Variants in ZNF423 observed in about 807,000 individuals in gnomAD.
ZNF423 encodes the protein zinc finger protein 423, also known as Ebf-associated zinc finger protein.
Under a neutral mutation model 95.8 loss-of-function variants are expected in ZNF423, and 12 were observed. The ratio of observed to expected loss-of-function variants is 0.13; its 90% CI spans 0.08 to 0.20. ZNF423 has a LOEUF of 0.20. ZNF423 is among the 10% of genes least tolerant of loss of function. The pLI is 1.00. For synonymous variants in ZNF423, 749 were observed against 711.9 expected (o/e 1.05, Z -0.83); for missense variants, 1,316 against 1,737.1 (o/e 0.76, Z 4.31).
At chr16:49,504,006 G>T (rs891938914) in intron 7 of ZNF423, among the ~76,000 whole-genome samples, 13 of 152,216 alleles carry the variant, frequency 8.5e-5, no homozygotes, top group African/African-American at 3.1e-4. Flanking sequence ...CAGGTGGAAT[G>T]AATTATTATA....
At chr16:49,577,045 A>G (rs945727749) in intron 5 of ZNF423, among the ~76,000 whole-genome samples, 37 of 152,312 alleles carry the variant, frequency 2.4e-4, no homozygotes, top group African/African-American at 8.9e-4. Flanking sequence ...TGGATGTGAC[A>G]ACATTAAAGA....
At chr16:49,791,098 G>A (rs2034405871) in intron 1 of ZNF423, among the ~76,000 whole-genome samples, 1 of 152,222 alleles carries the variant, frequency 6.6e-6, no homozygotes. Flanking sequence ...GCACATGCAA[G>A]AGGGAACATC....
At chr16:49,823,381 C>A (rs1400419972) in intron 1 of ZNF423, among the ~76,000 whole-genome samples, 1 of 152,192 alleles carries the variant, frequency 6.6e-6, no homozygotes, top group Admixed American at 6.5e-5. Context: ...TTAATCTTCA[C>A]AGCTGTGCAG....
chr16:49,517,796 T>C (rs1311072695), intron 7 of ZNF423: 2 of 359,194 alleles, frequency 5.6e-6, no homozygotes, highest in African/African-American at 4.3e-5. Flanking sequence ...GACTCGTTGT[T>C]GTTCCTGCTG....
At chr16:49,560,641 C>T (rs1003014905) in intron 5 of ZNF423, among the ~76,000 whole-genome samples, 2 of 152,188 alleles carry the variant, frequency 1.3e-5, no homozygotes, top group African/African-American at 2.4e-5. Flanking sequence ...CTTGAGGCCT[C>T]GTCCAAGCCA....
At chr16:49,749,479 A>G (rs1211947836) in intron 2 of ZNF423, among the ~76,000 whole-genome samples, 1 of 152,262 alleles carries the variant, frequency 6.6e-6, no homozygotes, top group Non-Finnish European at 1.5e-5. Flanking sequence ...AGCCATACAG[A>G]AAAGTATAAA....
chr16:49,791,401 C>T lies in ZNF423; in HGVS notation c.41-1855G>A, dbSNP rs117504808. Among the ~76,000 whole-genome samples the T allele has an allele frequency of 1.6e-4, 24 of 152,330 alleles. 1 individual carries two copies. In the East Asian group the frequency reaches 4.6e-3, roughly 29 times the overall value. On this transcript the variant is annotated intron_variant, in intron 1 of 7. Coordinates refer to ENST00000563137, the MANE Select transcript of ZNF423 (RefSeq NM_001379286.1). ...ATGCCTAAAGCCATCAGAAGCGGGC[C>T]ATGCACGGAAGGAGCTGTTGTTAAC... is the stretch of plus-strand genomic sequence containing the variant.
intron 3 of ZNF423, among the ~76,000 whole-genome samples, chr16:49,707,201 C>A (rs77386637): frequency 0.03 from 4,515 of 152,230 alleles, 278 homozygotes; most frequent in Admixed American, 0.14. Context: ...CCTCTGCTTC[C>A]CCAGGGCCTT....
At chr16:49,494,820 C>A (rs527386530) in intron 7 of ZNF423, among the ~76,000 whole-genome samples, 1 of 152,218 alleles carries the variant, frequency 6.6e-6, no homozygotes, top group Non-Finnish European at 1.5e-5. Context: ...ACCCGTGGTC[C>A]GTCCCCCACA....
At chr16:49,815,053 G>A (rs1310067205) in intron 1 of ZNF423, among the ~76,000 whole-genome samples, 7 of 152,176 alleles carry the variant, frequency 4.6e-5, no homozygotes, top group Non-Finnish European at 2.9e-5. Flanking sequence ...CTCAGGGTCT[G>A]GGATGAAACC....
At chr16:49,515,203 G>A (rs941285467) in intron 7 of ZNF423, among the ~76,000 whole-genome samples, 2 of 152,236 alleles carry the variant, frequency 1.3e-5, no homozygotes, top group African/African-American at 2.4e-5. Context: ...CCTGGCAAAC[G>A]TGGCCATGCA....
At chr16:49,656,304 A>T (rs976264178) in intron 3 of ZNF423, among the ~76,000 whole-genome samples, 1 of 152,292 alleles carries the variant, frequency 6.6e-6, no homozygotes, top group African/African-American at 2.4e-5. Flanking sequence ...TGAGGTCAGG[A>T]GTTCAAGACC....
At chr16:49,545,518 C>T (rs548829329) in intron 5 of ZNF423, among the ~76,000 whole-genome samples, 8 of 152,304 alleles carry the variant, frequency 5.3e-5, no homozygotes, top group Admixed American at 2.0e-4. Flanking sequence ...GCCCTGCCAG[C>T]CAGGGTGACC....
In ZNF423 at chr16:49,528,679, C is replaced by A. The variant is rs551843449; in HGVS notation, c.3602-3185G>T. Among the ~76,000 whole-genome samples the A allele has an allele frequency of 7.2e-5, 11 of 152,230 alleles. No homozygotes were observed. In the East Asian group the frequency reaches 7.7e-4, roughly 11 times the overall value. On this transcript the variant is annotated intron_variant, in intron 5 of 7. Coordinates refer to ENST00000563137, the MANE Select transcript of ZNF423 (RefSeq NM_001379286.1). ...TTTGCAAATCTTTCTGAAGACGAGG[C>A]CTTCTCCCCACTGGAGGGGTTAGAG... is the stretch of plus-strand genomic sequence containing the variant.
At chr16:49,599,393 A>G (rs1971284617) in intron 5 of ZNF423, among the ~76,000 whole-genome samples, 1 of 152,180 alleles carries the variant, frequency 6.6e-6, no homozygotes, top group Non-Finnish European at 1.5e-5. Flanking sequence ...GTTCCCTGGG[A>G]CTGTGCTGAG....
chr16:49,596,890 A>C (rs1971197826), intron 5 of ZNF423, among the ~76,000 whole-genome samples: 1 of 152,200 alleles, frequency 6.6e-6, no homozygotes, highest in South Asian at 2.1e-4. Context: ...TGGCAGGGCC[A>C]CACGCCAGGA....
rs987591738 is a variant in ZNF423 at position 49,637,096 on chromosome 16, T to G, written c.2080A>C (p.Met694Leu). ...SLLQHLTVHY[M>L]TTSTHYVCES... ...CACACATAGTGGGTCGACGTGGTCATGTAATGCACTGTCAGGTGCTGCAGG... is the reference window on the plus strand; with the variant it reads ...CACACATAGTGGGTCGACGTGGTCAGGTAATGCACTGTCAGGTGCTGCAGG... The change falls in exon 4 of 8, where the codon ATG (methionine) becomes CTG (leucine). Residue 694 changes from methionine (M) to leucine (L), a missense_variant. Coordinates refer to ENST00000563137, the MANE Select transcript of ZNF423 (RefSeq NM_001379286.1). The surrounding 1 kb of genome is among the most constrained non-coding windows in gnomAD (Gnocchi z 5.6). 12 of 1,613,662 alleles carry G rather than the reference T, an allele frequency of 7.4e-6. No individual in the cohort carries two copies. Among genetic ancestry groups the G allele is most frequent in the Non-Finnish European group, 9.3e-6 (11 of 1,180,020 alleles).
At chr16:49,651,743 C>A (rs1176302842) in intron 3 of ZNF423, among the ~76,000 whole-genome samples, 29 of 152,122 alleles carry the variant, frequency 1.9e-4, no homozygotes, top group Admixed American at 1.9e-3. Flanking sequence ...TTCTATAATG[C>A]CTAAAATAGT....
At position 49,707,156 on chromosome 16, in the gene ZNF423, C is replaced by T. The variant is rs374419698; in HGVS notation, c.301+23615G>A. Reference sequence around the variant, plus strand: ...TCACCGCTCCCTGGGTACCTACCCCCGGGGTCCCTGCCGGTACCCCGACGC... The same window carrying T: ...TCACCGCTCCCTGGGTACCTACCCCTGGGGTCCCTGCCGGTACCCCGACGC... On this transcript the variant is annotated intron_variant, in intron 3 of 7. Coordinates refer to ENST00000563137, the MANE Select transcript of ZNF423 (RefSeq NM_001379286.1). Among the ~76,000 whole-genome samples the T allele has an allele frequency of 2.8e-4, 42 of 152,264 alleles. No homozygotes were observed. The East Asian group carries it at 6.8e-3, about 25-fold the overall frequency.
Sources: allele counts gnomAD v4.1 joint callset (sites outside exome capture counted in the v4.1 genomes callset), GRCh38; gene constraint gnomAD v4.1.1; non-coding constraint Gnocchi (gnomAD v3.1); transcripts MANE v1.5; gene names NCBI Gene and HGNC (gene_info 2026-07-23, HGNC 2026-07-21).